The following GPHN variants were observed in gnomAD, a reference collection of about 807,000 sequenced individuals.
GPHN encodes the protein gephyrin.
GPHN carries 17 observed loss-of-function variants against 95.5 expected under a neutral mutation model. The ratio of observed to expected loss-of-function variants is 0.18; its 90% confidence interval spans 0.12 to 0.27. The LOEUF (loss-of-function observed/expected upper bound fraction) is 0.27. Among genes scored for constraint, GPHN ranks in the 10% least tolerant of loss-of-function variants. GPHN has a pLI of 1.00. For synonymous variants in GPHN, 320 were observed against 322.5 expected, an observed-to-expected ratio of 0.99 and a Z score of 0.08; for missense variants, 660 against 978.1, an observed-to-expected ratio of 0.67 and a Z score of 4.34.
the GPHN span, among the ~76,000 whole-genome samples, chr14:67,568,403 C>G: frequency 1.3e-5 from 2 of 152,040 alleles, no homozygotes; most frequent in Admixed American, 6.6e-5. Flanking sequence ...AATGAGAACA[C>G]ATGGACACAG....
intron 1 of GPHN, among the ~76,000 whole-genome samples, chr14:66,570,847 G>T (rs970202159): frequency 2.0e-5 from 3 of 152,046 alleles, no homozygotes; most frequent in African/African-American, 7.2e-5. Context: ...GTTATAATTT[G>T]TATTTCCCTG....
chr14:67,070,555 G>C (rs2076246651), intron 11 of GPHN, among the ~76,000 whole-genome samples: 1 of 149,564 alleles, frequency 6.7e-6, no homozygotes, highest in East Asian at 1.9e-4. Context: ...AATTAGCTGG[G>C]TGTGGTGGTG....
chr14:67,175,884 G>A (rs2082912252), intron 21 of GPHN, among the ~76,000 whole-genome samples: 1 of 152,134 alleles, frequency 6.6e-6, no homozygotes, highest in Non-Finnish European at 1.5e-5. Flanking sequence ...CTGTTTGTGT[G>A]TTATTGGTGT....
At chr14:67,373,932 A>G in the GPHN span, among the ~76,000 whole-genome samples, 1 of 151,822 alleles carries the variant, frequency 6.6e-6, no homozygotes, top group Non-Finnish European at 1.5e-5. Context: ...GAATTTTCCT[A>G]TTCTGGAGAA....
At chr14:67,090,129 G>A (rs907259571) in intron 12 of GPHN, among the ~76,000 whole-genome samples, 5 of 152,056 alleles carry the variant, frequency 3.3e-5, no homozygotes, top group Non-Finnish European at 7.4e-5. Context: ...TGATATCATT[G>A]AAGAAACATG....
intron 8 of GPHN, among the ~76,000 whole-genome samples, chr14:66,962,015 C>G (rs2068983122): frequency 1.4e-5 from 2 of 141,764 alleles, no homozygotes; most frequent in Non-Finnish European, 3.1e-5. Context: ...TGGCATTTTT[C>G]ATAATGTCCT....
the GPHN span, chr14:67,332,726 A>G: frequency 2.0e-6 from 3 of 1,536,022 alleles, no homozygotes; most frequent in African/African-American, 1.4e-5. Context: ...GACTCATCCT[A>G]TATTATTTGG....
At chr14:66,639,948 C>T (rs2064303925) in intron 1 of GPHN, among the ~76,000 whole-genome samples, 1 of 151,978 alleles carries the variant, frequency 6.6e-6, no homozygotes, top group Non-Finnish European at 1.5e-5. Context: ...ACTGGGTATT[C>T]ATTGGAGATT....
chr14:67,688,157 G>C, the GPHN span, among the ~76,000 whole-genome samples: 1 of 152,026 alleles, frequency 6.6e-6, no homozygotes, highest in South Asian at 2.1e-4. Flanking sequence ...ACTTCTTCAG[G>C]AAAGTCTTCC....
the GPHN span, chr14:67,200,543 T>G: frequency 1.7e-5 from 4 of 239,118 alleles, no homozygotes. Flanking sequence ...AAAACTAAAC[T>G]CCTTGTTTAA....
At chr14:67,029,031 G>T (rs1408269281) in intron 10 of GPHN, among the ~76,000 whole-genome samples, 1 of 152,070 alleles carries the variant, frequency 6.6e-6, no homozygotes, top group African/African-American at 2.4e-5. Flanking sequence ...ATTTTCAGGT[G>T]ATTTTTGTAT....
At chr14:67,532,394 C>T in the GPHN span, among the ~76,000 whole-genome samples, 1 of 152,168 alleles carries the variant, frequency 6.6e-6, no homozygotes, top group Non-Finnish European at 1.5e-5. Flanking sequence ...TCCCTCCCTG[C>T]AATGGTCTCT....
intron 11 of GPHN, among the ~76,000 whole-genome samples, chr14:67,060,090 A>C (rs188909954): frequency 1.9e-4 from 29 of 152,138 alleles, no homozygotes; most frequent in South Asian, 1.2e-3. Flanking sequence ...AAAATAAATA[A>C]ACCATCCCTG....
At chr14:66,789,775 A>G (rs1021889594) in intron 3 of GPHN, among the ~76,000 whole-genome samples, 1 of 152,210 alleles carries the variant, frequency 6.6e-6, no homozygotes, top group Admixed American at 6.5e-5. Context: ...TGGGGACATC[A>G]TCATACCTTC....
At chr14:67,312,223 A>T in the GPHN span, 1 of 179,884 alleles carries the variant, frequency 5.6e-6, no homozygotes, top group African/African-American at 2.4e-5. Context: ...AGCCTGAAAA[A>T]ATATTGCCCA....
chr14:67,284,690 T>C, the GPHN span, among the ~76,000 whole-genome samples: 5 of 151,294 alleles, frequency 3.3e-5, no homozygotes, highest in South Asian at 1.0e-3. Flanking sequence ...ACGAATATAC[T>C]TTCTTTTTGG....
At chr14:67,669,771 T>C in the GPHN span, among the ~76,000 whole-genome samples, 151 of 152,254 alleles carry the variant, frequency 9.9e-4, no homozygotes, top group African/African-American at 3.5e-3. Context: ...CCCTCACTCC[T>C]CATATCCATT....
intron 11 of GPHN, among the ~76,000 whole-genome samples, chr14:67,062,783 A>C (rs1032966195): frequency 6.6e-6 from 1 of 151,818 alleles, no homozygotes; most frequent in African/African-American, 2.4e-5. Context: ...TTTTCTTGTA[A>C]ATTTGTTTAA....
chr14:67,538,645 A>G, the GPHN span, among the ~76,000 whole-genome samples: 2 of 152,132 alleles, frequency 1.3e-5, no homozygotes, highest in African/African-American at 4.8e-5. Context: ...TGGGTTTGGC[A>G]GCAGGCACCC....
Sources: gnomAD v4.1 joint callset for allele counts (sites outside exome capture counted in the v4.1 genomes callset) on GRCh38, gnomAD v4.1.1 for gene constraint, MANE v1.5 for transcripts, NCBI Gene and HGNC (gene_info 2026-07-23, HGNC 2026-07-21) for gene names.